The following ZKSCAN7 variants were observed in gnomAD, a reference collection of about 807,000 sequenced individuals.
ZKSCAN7 encodes zinc finger with KRAB and SCAN domains 7.
ZKSCAN7 carries 38 observed loss-of-function variants against 65.3 expected under a neutral mutation model. That is an observed-to-expected ratio of 0.58 (90% CI 0.45 to 0.76). The LOEUF is 0.76. Among genes scored for constraint, ZKSCAN7 ranks in the 30% least tolerant of loss-of-function variants. ZKSCAN7 has a pLI of 0.00. For synonymous variants in ZKSCAN7, 321 were observed against 321.0 expected, an observed-to-expected ratio of 1.00 and a Z score of 0.00; for missense variants, 815 against 913.3, an observed-to-expected ratio of 0.89 and a Z score of 1.39.
At chr3:44,569,378 A>G (rs745390161) in intron 5 of ZKSCAN7, among the ~76,000 whole-genome samples, 5 of 152,212 alleles carry the variant, frequency 3.3e-5, no homozygotes, top group Non-Finnish European at 7.3e-5. Context: ...TTACTGTCCT[A>G]TCATGTAAGA....
chr3:44,556,078 G>T (rs561134403), intron 1 of ZKSCAN7, among the ~76,000 whole-genome samples: 8 of 152,346 alleles, frequency 5.3e-5, no homozygotes, highest in African/African-American at 1.9e-4. Flanking sequence ...GGATCACTGA[G>T]ACAATAACCA....
chr3:44,581,141 CG>C, intron 5 of ZKSCAN7: 1 of 956,842 alleles, frequency 1.0e-6, no homozygotes, highest in South Asian at 4.8e-5. Context: ...AGGCCCTGAC[CG>C]GCCTCCTTCC....
chr3:44,582,907 CGTGTGTGTGTGTGT>C (rs4016043), intron 5 of ZKSCAN7: 8,218 of 348,056 alleles, frequency 0.024, 3 homozygotes, highest in South Asian at 0.064. Context: ...CATGAATATT[CGTGTGTGTGTGTGT>C]GTGTGTGTGT....
intron 5 of ZKSCAN7, chr3:44,579,914 T>C: frequency 3.8e-6 from 6 of 1,563,180 alleles, no homozygotes; most frequent in Non-Finnish European, 5.2e-6. Flanking sequence ...GGACCTCCTG[T>C]CCAGTGACTT....
intron 3 of ZKSCAN7, among the ~76,000 whole-genome samples, chr3:44,567,564 T>G (rs1396482101): frequency 6.6e-6 from 1 of 151,952 alleles, no homozygotes; most frequent in East Asian, 1.9e-4. Flanking sequence ...GTGTCCATAA[T>G]GAGAGGGCAG....
chr3:44,570,840 A>G lies in ZKSCAN7; in HGVS notation c.1730A>G (p.Lys577Arg). ...CATCAGAGCCTCCATACTGGGGAAA[A>G]GCCATACAAATGTAGTGAATGTGGG... is the stretch of plus-strand genomic sequence containing the variant. ...IRHQSLHTGE[K>R]PYKCSECGKA... Residue 577 changes from lysine to arginine, a missense_variant, in exon 6 of 6, where the codon AAG becomes AGG. By Grantham distance (26) the Lys-to-Arg change is conservative. Around this residue, in one of 3 missense-constraint regions of ZKSCAN7, gnomAD observed 578 missense variants for 629.5 expected, o/e 0.92. Transcript: ENST00000426540. 2 of 1,614,244 alleles carry G rather than the reference A, an allele frequency of 1.2e-6. No individual in the cohort carries two copies. Among genetic ancestry groups the G allele is most frequent in the Non-Finnish European group, 1.7e-6 (2 of 1,180,034 alleles).
chr3:44,557,085 C>G lies in ZKSCAN7; in HGVS notation c.38C>G (p.Pro13Arg), dbSNP rs1372373619. The change falls in exon 2 of 6, where the codon CCC becomes CGC. Residue 13 changes from proline to arginine, a missense_variant. By Grantham distance (103) the Pro-to-Arg change is moderately radical. Transcript: ENST00000426540. ...TAGRGNLGLI[P>R]RSTAFQKQEG... ...GGCAGGGGAAATTTAGGCCTCATCC[C>G]CAGGAGCACTGCTTTCCAGAAGCAA... 3.7e-6 allele frequency: 6 copies of G among 1,614,098 alleles called. No individual in the cohort carries two copies. Among genetic ancestry groups the G allele is most frequent in the African/African-American group, 1.3e-5 (1 of 74,928 alleles).
At chr3:44,581,076 CG>C in intron 5 of ZKSCAN7, 4 of 1,243,978 alleles carry the variant, frequency 3.2e-6, no homozygotes, top group Non-Finnish European at 3.1e-6. Context: ...CTGGCGCTCC[CG>C]GCGGGCTAGG....
At position 44,555,296 on chromosome 3, in the gene ZKSCAN7, C is replaced by G. The variant is rs1398710240; in HGVS notation, c.-304C>G. 6.6e-6 allele frequency: 1 copy of G among 152,268 alleles called. No individual in the cohort carries two copies. The highest frequency in any genetic ancestry group is 6.5e-5 in the Admixed American group (1 of 15,284). 9.4% of individuals were successfully genotyped at this position (152,268 alleles called of 1,614,324 possible). ...GCCGAGACGCGGAGGGAGGCGCGGC[C>G]GGAGCTCGGGTCGCCGACGCTGGCC... is the stretch of plus-strand genomic sequence containing the variant. On this transcript the variant is annotated 5_prime_UTR_variant, in exon 1 of 6. Coordinates refer to ENST00000426540, the MANE Select transcript of ZKSCAN7 (RefSeq NM_001288590.2).
chr3:44,565,770 T>A, intron 3 of ZKSCAN7, 115 bp downstream of exon 3: 1 of 1,124,560 alleles, frequency 8.9e-7, no homozygotes, highest in Non-Finnish European at 1.2e-6. Flanking sequence ...CTCTGCTGTC[T>A]GTCCTTCTTC....
intron 2 of ZKSCAN7, among the ~76,000 whole-genome samples, chr3:44,558,549 G>A (rs560017761): frequency 3.8e-4 from 57 of 150,842 alleles, no homozygotes; most frequent in African/African-American, 1.3e-3. Context: ...AGAAAAGAAA[G>A]AGAGATTTAT....
At chr3:44,580,281 C>G in intron 5 of ZKSCAN7, 1 of 1,613,994 alleles carries the variant, frequency 6.2e-7, no homozygotes, top group Non-Finnish European at 8.5e-7. Context: ...CATGCGGTCG[C>G]TACTCATGGC....
At chr3:44,573,543 A>C (rs184205695), downstream of ZKSCAN7, among the ~76,000 whole-genome samples, 1 of 152,208 alleles carries the variant, frequency 6.6e-6, no homozygotes, top group Non-Finnish European at 1.5e-5. Flanking sequence ...CCACTTATGA[A>C]TATATATTTT....
At chr3:44,580,288 T>C (rs1700040587) in intron 5 of ZKSCAN7, 2 of 1,613,828 alleles carry the variant, frequency 1.2e-6, no homozygotes, top group Admixed American at 3.3e-5. Flanking sequence ...TCGCTACTCA[T>C]GGCGCTCTCC....
downstream of ZKSCAN7, among the ~76,000 whole-genome samples, chr3:44,574,028 T>C (rs1016864515): frequency 2.6e-5 from 4 of 152,236 alleles, no homozygotes; most frequent in South Asian, 2.1e-4. Flanking sequence ...TGGACTGTTA[T>C]GTTGCTGAAT....
chr3:44,581,373 C>G (rs530959102), intron 5 of ZKSCAN7, among the ~76,000 whole-genome samples: 2 of 151,904 alleles, frequency 1.3e-5, no homozygotes, highest in African/African-American at 2.4e-5. Context: ...GCCCCGCGGC[C>G]GCTGCAAATG....
At chr3:44,577,767 G>A (rs1031849268) in intron 5 of ZKSCAN7, among the ~76,000 whole-genome samples, 4 of 152,342 alleles carry the variant, frequency 2.6e-5, no homozygotes, top group Non-Finnish European at 2.9e-5. Context: ...AGAGAGTGGT[G>A]TGGACAACCC....
Position 44,570,969 on chromosome 3 carries a change from A to G in ZKSCAN7, c.1859A>G (p.Lys620Arg). Residue 620 changes from lysine to arginine, a missense_variant, in exon 6 of 6, where the codon AAA (lysine) becomes AGA (arginine). Lys to Arg is a conservative substitution (Grantham distance 26). This residue lies in a region of ZKSCAN7 where 578 missense variants were observed against 629.5 expected (regional missense o/e 0.92). Coordinates refer to ENST00000426540, the MANE Select transcript of ZKSCAN7 (RefSeq NM_001288590.2). ...TGTGGTAAGGCATTTGGTCTGAGTAAATGTCTTATTCGGCACCAGAGACTT... is the reference window on the plus strand; with the variant it reads ...TGTGGTAAGGCATTTGGTCTGAGTAGATGTCTTATTCGGCACCAGAGACTT... ...SECGKAFGLSKCLIRHQRLHT... is the reference protein window; with the variant it reads ...SECGKAFGLSRCLIRHQRLHT... 1 of 1,614,140 alleles carries G rather than the reference A, an allele frequency of 6.2e-7. No individual in the cohort carries two copies. The highest frequency in any genetic ancestry group is 1.1e-5 in the South Asian group (1 of 91,080).
intron 5 of ZKSCAN7, chr3:44,581,030 C>T (rs551984927): frequency 2.6e-5 from 41 of 1,556,322 alleles, no homozygotes; most frequent in Middle Eastern, 2.3e-4. Flanking sequence ...CCGACATGGT[C>T]GGCGCGGCGG....
Sources: allele counts gnomAD v4.1 joint callset (sites outside exome capture counted in the v4.1 genomes callset), GRCh38; gene constraint gnomAD v4.1.1; regional missense constraint gnomAD v4.1.1; transcripts MANE v1.5; gene names NCBI Gene and HGNC (gene_info 2026-07-23, HGNC 2026-07-21).